Variants in PRKCH observed in about 807,000 individuals in gnomAD.
PRKCH encodes protein kinase C eta type.
In PRKCH, 28 loss-of-function variants were observed where a neutral mutation model predicts 82.5. That is an observed-to-expected ratio of 0.34 (90% CI 0.25 to 0.47). The LOEUF (loss-of-function observed/expected upper bound fraction) is 0.47, where lower values mean the gene tolerates loss of function less well. Among genes scored for constraint, PRKCH ranks in the 20% least tolerant of loss-of-function variants. The pLI is 1.00. For synonymous variants in PRKCH, 322 were observed against 327.4 expected, an observed-to-expected ratio of 0.98 and a Z score of 0.18; for missense variants, 705 against 881.8, an observed-to-expected ratio of 0.80 and a Z score of 2.54.
chr14:61,445,626 C>T (rs1383017970), intron 3 of PRKCH, 66 bp from the exon 4 acceptor site: 17 of 1,425,022 alleles, frequency 1.2e-5, no homozygotes, highest in Non-Finnish European at 1.7e-5. Flanking sequence ...ATTTGTTTTC[C>T]TTAAGGACTA....
chr14:61,517,338 T>G (rs1278474591), intron 10 of PRKCH, among the ~76,000 whole-genome samples: 1 of 152,220 alleles, frequency 6.6e-6, no homozygotes, highest in Non-Finnish European at 1.5e-5. Context: ...GTTCCAACGC[T>G]GGCAAAGCAA....
intron 1 of PRKCH, among the ~76,000 whole-genome samples, chr14:61,357,269 T>A (rs1309472424): frequency 1.3e-5 from 2 of 152,182 alleles, no homozygotes; most frequent in Non-Finnish European, 2.9e-5. Flanking sequence ...ACTGTTCTTC[T>A]TAAGGCCTCT....
chr14:61,272,436 C>G (rs2045166107), intron 1 of PRKCH, among the ~76,000 whole-genome samples: 1 of 135,612 alleles, frequency 7.4e-6, no homozygotes, highest in African/African-American at 2.7e-5. Context: ...TCACTGCCAT[C>G]TCCACCTCTC....
intron 1 of PRKCH, among the ~76,000 whole-genome samples, chr14:61,235,011 G>A (rs868827): frequency 0.83 from 126,766 of 152,218 alleles, 53,346 homozygotes; most frequent in Non-Finnish European, 0.88. Context: ...CATGACCCCC[G>A]TATCCACTCA....
intron 4 of PRKCH, among the ~76,000 whole-genome samples, chr14:61,447,477 C>G (rs986471835): frequency 2.0e-5 from 3 of 152,212 alleles, no homozygotes; most frequent in African/African-American, 7.2e-5. Flanking sequence ...CATCCAACAA[C>G]AGCAGTTTTC....
At chr14:61,519,132 G>C (rs1325912110) in intron 10 of PRKCH, among the ~76,000 whole-genome samples, 1 of 152,104 alleles carries the variant, frequency 6.6e-6, no homozygotes, top group Non-Finnish European at 1.5e-5. Context: ...AAAATTTAAA[G>C]ATTAGCCGGG....
intron 2 of PRKCH, among the ~76,000 whole-genome samples, chr14:61,418,402 G>T (rs1337968377): frequency 6.6e-6 from 1 of 152,220 alleles, no homozygotes; most frequent in African/African-American, 2.4e-5. Flanking sequence ...GATGTGTAAT[G>T]ATTAATGCAC....
chr14:61,232,523 G>A (rs967184523), intron 1 of PRKCH, among the ~76,000 whole-genome samples: 3 of 152,182 alleles, frequency 2.0e-5, no homozygotes, highest in Non-Finnish European at 4.4e-5. Flanking sequence ...GCCCGGCCAG[G>A]ATATTTTAAA....
At chr14:61,205,762 A>C (rs1001257266) in intron 1 of PRKCH, among the ~76,000 whole-genome samples, 3 of 152,226 alleles carry the variant, frequency 2.0e-5, no homozygotes, top group Non-Finnish European at 2.9e-5. Context: ...TAGGAATGGT[A>C]GTCGGTGGTG....
intron 2 of PRKCH, among the ~76,000 whole-genome samples, chr14:61,398,896 A>G (rs1403722767): frequency 6.6e-6 from 1 of 152,240 alleles, no homozygotes. Context: ...TTTTATCCCA[A>G]TTCAAACACA....
At chr14:61,520,443 A>G (rs2042890381) in intron 10 of PRKCH, among the ~76,000 whole-genome samples, 1 of 152,240 alleles carries the variant, frequency 6.6e-6, no homozygotes, top group Non-Finnish European at 1.5e-5. Context: ...GGAAAGATTG[A>G]TAACTGGACT....
chr14:61,468,766 C>T (rs1010567138), intron 9 of PRKCH, among the ~76,000 whole-genome samples: 8 of 152,040 alleles, frequency 5.3e-5, no homozygotes, highest in South Asian at 2.1e-4. Context: ...CTGAGTAGAC[C>T]GCCACCTCCA....
At chr14:61,241,950 C>G (rs116272651) in intron 1 of PRKCH, among the ~76,000 whole-genome samples, 6 of 152,092 alleles carry the variant, frequency 3.9e-5, no homozygotes, top group Non-Finnish European at 7.4e-5. Context: ...GGGAGATTAA[C>G]GTGTTGTTCC....
In PRKCH at chr14:61,488,385, C is replaced by T. The variant is rs890495304; in HGVS notation, c.1433+2729C>T. Among the ~76,000 whole-genome samples the T allele has an allele frequency of 5.9e-5, 9 of 152,102 alleles. No homozygotes were observed. In the South Asian group the frequency reaches 1.7e-3, roughly 28 times the overall value. ...ACAGGACCAGCACTTCCCTTGCATTCGTCTATTGATTCTTCTAACAATATT... is the reference window on the plus strand; with the variant it reads ...ACAGGACCAGCACTTCCCTTGCATTTGTCTATTGATTCTTCTAACAATATT... On this transcript the variant is annotated intron_variant, in intron 10 of 13. Coordinates refer to ENST00000332981, the MANE Select transcript of PRKCH (RefSeq NM_006255.5).
intron 1 of PRKCH, among the ~76,000 whole-genome samples, chr14:61,224,849 G>A (rs1391391300): frequency 7.2e-5 from 11 of 152,110 alleles, no homozygotes; most frequent in Non-Finnish European, 5.9e-5. Context: ...GAGTGTCTAC[G>A]GTGTTTCTTC....
At position 61,265,091 on chromosome 14, in the gene PRKCH, A is replaced by G. The variant is rs80205617; in HGVS notation, c.-19+77423A>G. Among the ~76,000 whole-genome samples the G allele has an allele frequency of 7.9e-3, 1,208 of 152,296 alleles. 44 individuals are homozygous for G. The East Asian group carries it at 0.12, about 15-fold the overall frequency. ...ATTGGAAGGAACCAAATCCAAAACA[A>G]TCCTCAACATAACCTTTTTCAAATT... On this transcript the variant is annotated intron_variant, in intron 1 of 3. Coordinates refer to the PRKCH transcript ENST00000555185.
In PRKCH at chr14:61,280,378, G is replaced by C; in HGVS notation, c.-19+92710G>C. The C allele has an allele frequency of 6.2e-7, 1 of 1,613,860 alleles. No homozygotes were observed. The highest frequency in any genetic ancestry group is 2.2e-5 in the East Asian group (1 of 44,882). On this transcript the variant is annotated intron_variant, in intron 1 of 3. Transcript: ENST00000555185. This position sits in a 1 kb window ranked among gnomAD's most constrained non-coding sequence, Gnocchi z 5.0. ...CAGTTTGCGGAACGTGGGCAGCGCC[G>C]CCGTGCGCATCCACACCACGAAGTC...
chr14:61,267,638 T>TA (rs2140083957), intron 1 of PRKCH, among the ~76,000 whole-genome samples: 1 of 152,346 alleles, frequency 6.6e-6, no homozygotes, highest in African/African-American at 2.4e-5. Flanking sequence ...GAGAGCATTT[T>TA]AAAAATTCCA....
At chr14:61,189,681 A>AT (rs937965180) in intron 1 of PRKCH, among the ~76,000 whole-genome samples, 107 of 130,984 alleles carry the variant, frequency 8.2e-4, no homozygotes, top group Middle Eastern at 4.1e-3. Context: ...ATGTTACTTG[A>AT]TTTTTTTTTT....
Sources: gnomAD v4.1 joint callset for allele counts (sites outside exome capture counted in the v4.1 genomes callset) on GRCh38, gnomAD v4.1.1 for gene constraint, Gnocchi (gnomAD v3.1) non-coding constraint, MANE v1.5 for transcripts, NCBI Gene and HGNC (gene_info 2026-07-23, HGNC 2026-07-21) for gene names.